Variants in ZNF865 observed in about 807,000 individuals in gnomAD.
ZNF865 encodes the protein zinc finger protein 865.
For missense variants in ZNF865, 1,311 were observed against 1,593.4 expected (o/e 0.82, Z 3.02); for synonymous variants, 763 against 750.8 (o/e 1.02, Z -0.27).
intron 1 of ZNF865, among the ~76,000 whole-genome samples, chr19:55,607,826 C>A (rs1980997005): frequency 6.6e-6 from 1 of 152,168 alleles, no homozygotes; most frequent in Non-Finnish European, 1.5e-5. Flanking sequence ...GCCCTGGATT[C>A]CACTAGGGTT....
intron 1 of ZNF865, among the ~76,000 whole-genome samples, chr19:55,610,350 T>A (rs1452871237): frequency 3.3e-5 from 5 of 152,212 alleles, no homozygotes; most frequent in African/African-American, 7.2e-5. Context: ...AACCTCCACC[T>A]CCCGAGTTCA....
At chr19:55,607,426 C>T (rs908113068) in intron 1 of ZNF865, among the ~76,000 whole-genome samples, 2 of 145,778 alleles carry the variant, frequency 1.4e-5, no homozygotes, top group Non-Finnish European at 3.0e-5. Flanking sequence ...ATAGTGAGAC[C>T]CTGTCTTTAC....
rs1426858417 is a variant in ZNF865, at chr19:55,616,918, T to G, written c.*120T>G. ...CCATCCTTCAGAACTTCACACGGAC[T>G]GGCGACCTTCAGGGCGCACGCCCGA... On this transcript the variant is annotated 3_prime_UTR_variant, in exon 2 of 2. Coordinates refer to ENST00000568956, the MANE Select transcript of ZNF865 (RefSeq NM_001195605.2). 1.7e-6 allele frequency: 2 copies of G among 1,158,976 alleles called. No homozygotes were observed. The highest frequency in any genetic ancestry group is 2.3e-6 in the Non-Finnish European group (2 of 873,976). The allele number at this position is 1,158,976 out of a possible 1,614,324, so 71.8% of individuals were successfully genotyped here.
intron 1 of ZNF865, among the ~76,000 whole-genome samples, chr19:55,608,016 A>G (rs1378426162): frequency 6.6e-6 from 1 of 152,198 alleles, no homozygotes; most frequent in Non-Finnish European, 1.5e-5. Flanking sequence ...AATCAAGGCA[A>G]AGAAGTAGAT....
At position 55,615,078 on chromosome 19, in the gene ZNF865, T is replaced by TAC; in HGVS notation, c.1460_1461insAC (p.Phe487LeufsTer80). The TAC allele has an allele frequency of 9.4e-7, 1 of 1,063,594 alleles. No individual in the cohort carries two copies. Among genetic ancestry groups the TAC allele is most frequent in the Non-Finnish European group, 1.2e-6 (1 of 847,186 alleles). The allele number at this position is 1,063,594 out of a possible 1,614,324, so 65.9% of individuals were successfully genotyped here. ...TCGGCCCCGCAGCCCCCGCCCACCT[T>TAC]CCCCCCGGGCCCGTACCTCCTGCCC... is the stretch of plus-strand genomic sequence containing the variant. On this transcript the variant is annotated frameshift_variant, in exon 2 of 2. Coordinates refer to ENST00000568956, the MANE Select transcript of ZNF865 (RefSeq NM_001195605.2). LOFTEE classifies it low-confidence loss of function (END_TRUNC).
chr19:55,615,769 G>A lies in ZNF865; in HGVS notation c.2151G>A (p.Leu717=). The A allele has an allele frequency of 6.5e-7, 1 of 1,527,110 alleles. No individual in the cohort carries two copies. Among genetic ancestry groups the A allele is most frequent in the Non-Finnish European group, 8.8e-7 (1 of 1,142,852 alleles). The allele number at this position is 1,527,110 out of a possible 1,614,324, so 94.6% of individuals were successfully genotyped here. Residue 717 remains leucine, a synonymous_variant, in exon 2 of 2, where the codon CTG becomes CTA. Transcript: ENST00000568956. ...TCGAGAACCTCATGTGGCACAAGCT[G>A]GTCCACCAGGCCGCCCCCGAGCGCC... The part of the protein sequence containing the change: ...GFIENLMWHK[L]VHQAAPERLL...
chr19:55,614,537 G>A lies in ZNF865; in HGVS notation c.919G>A (p.Ala307Thr), dbSNP rs1321801646. The A allele has an allele frequency of 3.1e-5, 42 of 1,360,810 alleles. No individual in the cohort carries two copies. The highest frequency in any genetic ancestry group is 3.8e-5 in the Non-Finnish European group (41 of 1,065,786). The allele number at this position is 1,360,810 out of a possible 1,614,324, so 84.3% of individuals were successfully genotyped here. Residue 307 changes from alanine to threonine, a missense_variant, in exon 2 of 2, where the codon GCC becomes ACC. By Grantham distance (58) the Ala-to-Thr change is moderately conservative (BLOSUM62 0). Transcript: ENST00000568956. The surrounding 1 kb of genome is among the most constrained non-coding windows in gnomAD (Gnocchi z 8.0). ...PAPAASAATA[A>T]APSTVSSGPP... ...ACCCGCTGCCAGCGCCGCCACCGCC[G>A]CCGCCCCCTCCACGGTGTCCTCGGG...
In ZNF865 at chr19:55,616,756, G is replaced by C; in HGVS notation, c.3138G>C (p.Gly1046=). 1 of 1,468,022 alleles carries C rather than the reference G, an allele frequency of 6.8e-7. No homozygotes were observed. Among genetic ancestry groups the C allele is most frequent in the African/African-American group, 1.4e-5 (1 of 70,598 alleles). The allele number at this position is 1,468,022 out of a possible 1,614,324, so 90.9% of individuals were successfully genotyped here. A position where few individuals can be genotyped will look rare whatever the true frequency, so the allele number is the denominator to read the frequency against. Residue 1046 remains glycine, a synonymous_variant, in exon 2 of 2, where the codon GGG becomes GGC. Coordinates refer to ENST00000568956, the MANE Select transcript of ZNF865 (RefSeq NM_001195605.2). ...RLAHKAENLG[G]PGAGAGTLAG... ...CGCACAAGGCCGAGAACCTCGGGGG[G>C]CCTGGAGCAGGGGCGGGCACCTTGG...
At chr19:55,609,782 T>TTGG (rs1038492347) in intron 1 of ZNF865, among the ~76,000 whole-genome samples, 26 of 152,242 alleles carry the variant, frequency 1.7e-4, no homozygotes, top group African/African-American at 4.1e-4. Flanking sequence ...CTCCTGTCCC[T>TTGG]TGGTGGTGGT....
At chr19:55,607,368 A>G (rs1980980595) in intron 1 of ZNF865, among the ~76,000 whole-genome samples, 1 of 150,564 alleles carries the variant, frequency 6.6e-6, no homozygotes, top group Non-Finnish European at 1.5e-5. Context: ...GGAAGGCCAA[A>G]GTGGGAGGAT....
intron 1 of ZNF865, among the ~76,000 whole-genome samples, chr19:55,610,780 G>A (rs143110286): frequency 4.6e-5 from 7 of 152,298 alleles, no homozygotes; most frequent in Admixed American, 3.9e-4. Context: ...TGAGTTGGTG[G>A]CAATAACTAT....
Position 55,614,909 on chromosome 19 carries a change from G to T in ZNF865, c.1291G>T (p.Gly431Trp). 1 of 1,487,548 alleles carries T rather than the reference G, an allele frequency of 6.7e-7. No individual in the cohort carries two copies. The highest frequency in any genetic ancestry group is 1.3e-5 in the South Asian group (1 of 76,876). 92.1% of individuals were successfully genotyped at this position (1,487,548 alleles called of 1,614,324 possible). A position where few individuals can be genotyped will look rare whatever the true frequency, so the allele number is the denominator to read the frequency against. Residue 431 changes from glycine (G) to tryptophan (W), a missense_variant, in exon 2 of 2, where the codon GGG becomes TGG. Coordinates refer to ENST00000568956, the MANE Select transcript of ZNF865 (RefSeq NM_001195605.2). This position sits in a 1 kb window ranked among gnomAD's most constrained non-coding sequence, Gnocchi z 8.0. ...CCTCAAGCACCAGGCGGCCCACGCG[G>T]GGGCGGGCGCCGGGGGGCCTCGGCC... ...YLLKHQAAHA[G>W]AGAGGPRPVY...
intron 1 of ZNF865, among the ~76,000 whole-genome samples, chr19:55,610,339 C>T (rs1981086848): frequency 6.6e-6 from 1 of 152,230 alleles, no homozygotes; most frequent in Admixed American, 6.5e-5. Flanking sequence ...CAGCTCACTG[C>T]AACCTCCACC....
intron 1 of ZNF865, among the ~76,000 whole-genome samples, chr19:55,608,880 G>A (rs1024583022): frequency 1.3e-5 from 2 of 152,182 alleles, no homozygotes; most frequent in Non-Finnish European, 2.9e-5. Context: ...CATGTTTCCA[G>A]TATGAAGTGG....
Position 55,614,235 on chromosome 19 carries a change from C to G in ZNF865, c.617C>G (p.Thr206Ser), listed in dbSNP as rs1483590904. 6.6e-7 allele frequency: 1 copy of G among 1,512,188 alleles called. No homozygotes were observed. The highest frequency in any genetic ancestry group is 1.2e-5 in the South Asian group (1 of 81,746). The allele number at this position is 1,512,188 out of a possible 1,614,324, so 93.7% of individuals were successfully genotyped here. The change falls in exon 2 of 2, where the codon ACC becomes AGC. Residue 206 changes from threonine to serine, a missense_variant. Transcript: ENST00000568956. The surrounding 1 kb of genome is among the most constrained non-coding windows in gnomAD (Gnocchi z 8.0). ...GPPAAAACDP[T>S]KDDKGYFRRL... ...CCCGCGGCGGCGGCCTGCGACCCCA[C>G]CAAGGACGACAAGGGCTACTTCCGG...
chr19:55,613,948 A>C lies in ZNF865; in HGVS notation c.330A>C (p.Ser110=), dbSNP rs1981239260. Residue 110 remains serine (S), a synonymous_variant, in exon 2 of 2, where the codon TCA becomes TCC. Coordinates refer to ENST00000568956, the MANE Select transcript of ZNF865 (RefSeq NM_001195605.2). ...CCTCCTCTTCGTCCTCCTCGTCGTC[A>C]TCTTCGTCCTCTTCCTCTTCCCAAG... is the stretch of plus-strand genomic sequence containing the variant. ...SSSSSSSSSS[S]SSSSSSSQAK... 2.0e-6 allele frequency: 3 copies of C among 1,531,270 alleles called. No homozygotes were observed. Among genetic ancestry groups the C allele is most frequent in the Non-Finnish European group, 2.6e-6 (3 of 1,144,756 alleles). 94.9% of individuals were successfully genotyped at this position (1,531,270 alleles called of 1,614,324 possible). A position where few individuals can be genotyped will look rare whatever the true frequency, so the allele number is the denominator to read the frequency against.
At position 55,614,199 on chromosome 19, in the gene ZNF865, C is replaced by A. The variant is rs552714359; in HGVS notation, c.581C>A (p.Pro194Gln). 1 of 1,505,496 alleles carries A rather than the reference C, an allele frequency of 6.6e-7. No homozygotes were observed. The highest frequency in any genetic ancestry group is 8.8e-7 in the Non-Finnish European group (1 of 1,133,144). The allele number at this position is 1,505,496 out of a possible 1,614,324, so 93.3% of individuals were successfully genotyped here. The change falls in exon 2 of 2, where the codon CCG (proline) becomes CAG (glutamine). Residue 194 changes from proline (P) to glutamine (Q), a missense_variant. Physicochemically the swap from Pro to Gln is moderately conservative, Grantham distance 76 (BLOSUM62 -1). Transcript: ENST00000568956. The surrounding 1 kb of genome is among the most constrained non-coding windows in gnomAD (Gnocchi z 8.0). ...CCGCTTCCTGCCCCCTCGCAGACCCCGCCAGGACCCCCCGCGGCGGCGGCC... is the reference window on the plus strand; with the variant it reads ...CCGCTTCCTGCCCCCTCGCAGACCCAGCCAGGACCCCCCGCGGCGGCGGCC... ...PGPLPAPSQT[P>Q]PGPPAAAACD...
intron 1 of ZNF865, among the ~76,000 whole-genome samples, chr19:55,609,966 C>T (rs34318926): frequency 0.11 from 17,480 of 152,200 alleles, 1,395 homozygotes; most frequent in East Asian, 0.29. Context: ...ACTGATGTAT[C>T]CCCTTCAGCA....
intron 1 of ZNF865, among the ~76,000 whole-genome samples, chr19:55,610,480 C>T (rs1244160487): frequency 6.6e-6 from 1 of 152,180 alleles, no homozygotes; most frequent in Admixed American, 6.5e-5. Context: ...AGACTGGTGT[C>T]GAACTCCTAA....
Sources: gnomAD v4.1 joint callset for allele counts (sites outside exome capture counted in the v4.1 genomes callset) on GRCh38, gnomAD v4.1.1 for gene constraint, Gnocchi (gnomAD v3.1) non-coding constraint, MANE v1.5 for transcripts, NCBI Gene and HGNC (gene_info 2026-07-23, HGNC 2026-07-21) for gene names.